Variants in CCDC146 observed in about 807,000 individuals in gnomAD.
CCDC146 encodes the protein coiled-coil domain containing 146.
Under a neutral mutation model 119.3 loss-of-function variants are expected in CCDC146, and 92 were observed. The ratio of observed to expected loss-of-function variants is 0.77; its 90% confidence interval spans 0.65 to 0.92. The LOEUF (loss-of-function observed/expected upper bound fraction) is 0.92, where lower values mean the gene tolerates loss of function less well. Ranked by LOEUF, CCDC146 falls within the 40% of genes least tolerant of loss-of-function variation. CCDC146 has a pLI of 0.00. For missense variants in CCDC146, 1,000 were observed against 1,103.0 expected, an observed-to-expected ratio of 0.91 and a Z score of 1.32; for synonymous variants, 372 against 371.8, an observed-to-expected ratio of 1.00 and a Z score of -0.01.
chr7:77,164,130 T>C (rs1329120838), intron 1 of CCDC146, among the ~76,000 whole-genome samples: 1 of 152,130 alleles, frequency 6.6e-6, no homozygotes, highest in African/African-American at 2.4e-5. Flanking sequence ...CCCAAAGTGC[T>C]GAGATTACAG....
intron 2 of CCDC146, among the ~76,000 whole-genome samples, chr7:77,211,787 T>C (rs1449361831): frequency 5.3e-5 from 8 of 152,050 alleles, no homozygotes; most frequent in Admixed American, 3.9e-4. Flanking sequence ...GGCTAATTTT[T>C]TTATCTTTAG....
chr7:77,272,725 G>A (rs979573350), intron 9 of CCDC146, among the ~76,000 whole-genome samples: 3 of 152,170 alleles, frequency 2.0e-5, no homozygotes, highest in East Asian at 1.9e-4. Flanking sequence ...CTCTACTCTC[G>A]TCTTCATCAC....
intron 14 of CCDC146, among the ~76,000 whole-genome samples, chr7:77,281,118 A>AC (rs1052338426): frequency 6.8e-6 from 1 of 146,086 alleles, no homozygotes; most frequent in Non-Finnish European, 1.5e-5. Context: ...ACAAACAAAA[A>AC]AAAAAAAAGA....
intron 1 of CCDC146, among the ~76,000 whole-genome samples, chr7:77,149,975 A>C (rs1435768457): frequency 6.6e-6 from 1 of 151,854 alleles, no homozygotes; most frequent in East Asian, 1.9e-4. Context: ...TTTTTCAACA[A>C]ATGGCGGGAA....
At chr7:77,240,799 A>G (rs531793894) in intron 3 of CCDC146, among the ~76,000 whole-genome samples, 1 of 152,300 alleles carries the variant, frequency 6.6e-6, no homozygotes, top group East Asian at 1.9e-4. Flanking sequence ...TAACATTCGT[A>G]TATTACTATT....
At chr7:77,222,391 A>G in intron 2 of CCDC146, among the ~76,000 whole-genome samples, 1 of 152,204 alleles carries the variant, frequency 6.6e-6, no homozygotes, top group Middle Eastern at 3.2e-3. Flanking sequence ...TCTTCAAAAC[A>G]TGAAGGTGGG....
At chr7:77,179,605 T>C (rs576736710) in intron 2 of CCDC146, among the ~76,000 whole-genome samples, 1 of 152,292 alleles carries the variant, frequency 6.6e-6, no homozygotes, top group South Asian at 2.1e-4. Context: ...TTGCAGATAA[T>C]GATAGAGTGA....
chr7:77,220,352 T>A (rs528455433), intron 2 of CCDC146, among the ~76,000 whole-genome samples: 2 of 152,214 alleles, frequency 1.3e-5, no homozygotes, highest in Admixed American at 6.5e-5. Context: ...ATCACTGTTA[T>A]CCTATTCTTT....
At chr7:77,206,081 A>T (rs1386726338) in intron 2 of CCDC146, among the ~76,000 whole-genome samples, 4 of 152,226 alleles carry the variant, frequency 2.6e-5, no homozygotes, top group African/African-American at 9.6e-5. Flanking sequence ...ACGCATGTCC[A>T]TAGATGATCC....
chr7:77,260,216 A>G lies in CCDC146; in HGVS notation c.966A>G (p.Glu322=), dbSNP rs1407640317. 2 of 1,612,272 alleles carry G rather than the reference A, an allele frequency of 1.2e-6. No homozygotes were observed. Among genetic ancestry groups the G allele is most frequent in the Admixed American group, 1.7e-5 (1 of 59,744 alleles). ...TATTGGAATTAGCCAGAGAGAATGAAGCAACTTCATTAACTGAAAGGTTAG... is the reference window on the plus strand; with the variant it reads ...TATTGGAATTAGCCAGAGAGAATGAGGCAACTTCATTAACTGAAAGGTTAG... ...VKLLELAREN[E]ATSLTERGIL... Residue 322 remains glutamate, a synonymous_variant, in exon 8 of 19, where the codon GAA becomes GAG. Coordinates refer to ENST00000285871, the MANE Select transcript of CCDC146 (RefSeq NM_020879.3).
At chr7:77,272,279 A>G (rs1466123889) in intron 9 of CCDC146, among the ~76,000 whole-genome samples, 2 of 152,204 alleles carry the variant, frequency 1.3e-5, no homozygotes, top group Non-Finnish European at 2.9e-5. Context: ...TCCTAAGTCC[A>G]GTGTGTGCAT....
At chr7:77,168,992 GGTCTTGCCAGTT>G (rs1411801164) in intron 2 of CCDC146, among the ~76,000 whole-genome samples, 1 of 151,784 alleles carries the variant, frequency 6.6e-6, no homozygotes, top group Non-Finnish European at 1.5e-5. Flanking sequence ...ACCTTATTCG[GGTCTTGCCAGTT>G]GTCCCAATAA....
intron 17 of CCDC146, 60 bp downstream of exon 17, chr7:77,287,637 C>T: frequency 6.4e-7 from 1 of 1,554,716 alleles, no homozygotes; most frequent in Non-Finnish European, 8.8e-7. Context: ...CTTTTATTTT[C>T]CACAGACCGA....
intron 6 of CCDC146, 48 bp from the exon 7 acceptor site, chr7:77,258,947 T>G: frequency 7.9e-7 from 1 of 1,265,458 alleles, no homozygotes; most frequent in Non-Finnish European, 1.1e-6. Flanking sequence ...TCTTAATTGC[T>G]TCTAGCCGAA....
intron 4 of CCDC146, among the ~76,000 whole-genome samples, chr7:77,251,452 C>T (rs1227371353): frequency 2.0e-5 from 3 of 152,230 alleles, no homozygotes; most frequent in African/African-American, 4.8e-5. Flanking sequence ...ATAATTCACA[C>T]ATCCCTGCCA....
intron 1 of CCDC146, among the ~76,000 whole-genome samples, chr7:77,165,748 T>C (rs1249069414): frequency 6.6e-6 from 1 of 152,186 alleles, no homozygotes; most frequent in Non-Finnish European, 1.5e-5. Context: ...TCTGCACATA[T>C]AATAAGGAAA....
At chr7:77,170,012 T>A (rs1280556871) in intron 2 of CCDC146, among the ~76,000 whole-genome samples, 1 of 152,176 alleles carries the variant, frequency 6.6e-6, no homozygotes, top group Non-Finnish European at 1.5e-5. Context: ...TATTTTTTAA[T>A]CTAACTTTTA....
intron 2 of CCDC146, among the ~76,000 whole-genome samples, chr7:77,227,683 A>G (rs1268985589): frequency 2.0e-5 from 3 of 152,208 alleles, no homozygotes; most frequent in East Asian, 1.9e-4. Flanking sequence ...GAATCTGCCT[A>G]TATCTGCCAC....
At chr7:77,139,200 C>T (rs1220738910) in intron 1 of CCDC146, among the ~76,000 whole-genome samples, 5 of 152,070 alleles carry the variant, frequency 3.3e-5, no homozygotes, top group Admixed American at 6.6e-5. Context: ...AGCTGTCAAG[C>T]CATAAAAAGA....
Sources: allele counts gnomAD v4.1 joint callset (sites outside exome capture counted in the v4.1 genomes callset), GRCh38; gene constraint gnomAD v4.1.1; transcripts MANE v1.5; gene names NCBI Gene and HGNC (gene_info 2026-07-23, HGNC 2026-07-21).